CERS6: variants seen among roughly 807,000 people sequenced by gnomAD.
The protein encoded by CERS6 is LAG1 homolog, ceramide synthase 6.
Under a neutral mutation model 56.8 loss-of-function variants are expected in CERS6, and 26 were observed. That is an observed-to-expected ratio of 0.46 (90% CI 0.34 to 0.63). The LOEUF is 0.63. CERS6 is among the 30% of genes least tolerant of loss of function. The probability of loss-of-function intolerance (pLI) is 0.01; values close to 1 mark genes in which losing one functional copy is unlikely to be tolerated. For missense variants in CERS6, 415 were observed against 467.5 expected, an observed-to-expected ratio of 0.89 and a Z score of 1.04; for synonymous variants, 164 against 173.3, an observed-to-expected ratio of 0.95 and a Z score of 0.42.
chr2:168,567,913 A>T (rs997361097), intron 3 of CERS6, among the ~76,000 whole-genome samples: 4 of 152,226 alleles, frequency 2.6e-5, no homozygotes, highest in African/African-American at 7.2e-5. Flanking sequence ...GAAATTCTGA[A>T]GATTGATGAA....
intron 4 of CERS6, among the ~76,000 whole-genome samples, chr2:168,676,914 T>C (rs966062055): frequency 6.6e-6 from 1 of 152,036 alleles, no homozygotes; most frequent in African/African-American, 2.4e-5. Context: ...AAGAAGACAG[T>C]GTCCATGAGT....
chr2:168,739,454 A>T (rs1018085026), intron 8 of CERS6, among the ~76,000 whole-genome samples: 1 of 152,116 alleles, frequency 6.6e-6, no homozygotes, highest in Admixed American at 6.5e-5. Context: ...AAAAATTTCC[A>T]TGAAAATTCC....
At chr2:168,690,373 C>G (rs1407909878) in intron 4 of CERS6, among the ~76,000 whole-genome samples, 1 of 152,126 alleles carries the variant, frequency 6.6e-6, no homozygotes, top group African/African-American at 2.4e-5. Flanking sequence ...TCATACCAAC[C>G]CCTCCCTGAT....
At chr2:168,652,121 G>T (rs1166322535) in intron 4 of CERS6, among the ~76,000 whole-genome samples, 1 of 147,862 alleles carries the variant, frequency 6.8e-6, no homozygotes. Context: ...ATTGTAAATT[G>T]CAGTCACATT....
intron 4 of CERS6, among the ~76,000 whole-genome samples, chr2:168,668,859 G>A (rs1487241147): frequency 6.6e-6 from 1 of 152,132 alleles, no homozygotes; most frequent in Non-Finnish European, 1.5e-5. Context: ...AGCATATGGG[G>A]CTGAAATGTT....
intron 4 of CERS6, among the ~76,000 whole-genome samples, chr2:168,686,808 A>G (rs748988908): frequency 3.9e-5 from 6 of 152,210 alleles, no homozygotes; most frequent in African/African-American, 2.4e-5. Flanking sequence ...GAGACTGTCT[A>G]CAAAATAATT....
At position 168,488,710 on chromosome 2, in the gene CERS6, T is replaced by TA. The variant is rs1366061573; in HGVS notation, c.170+32099dup. Reference sequence around the variant, plus strand: ...TCCATATTAGCTATTTTGCTATCTTTAAAAAAATTTTTTTTTGGTGAATGC... The same window carrying TA: ...TCCATATTAGCTATTTTGCTATCTTTAAAAAAAATTTTTTTTTGGTGAATGC... On this transcript the variant is annotated intron_variant, in intron 1 of 9. Coordinates refer to ENST00000305747, the MANE Select transcript of CERS6 (RefSeq NM_203463.3). Among the ~76,000 whole-genome samples, 3 of 152,092 alleles carry TA rather than the reference T, an allele frequency of 2.0e-5. No homozygotes were observed. The South Asian group carries it at 6.2e-4, about 31-fold the overall frequency.
At chr2:168,694,026 A>G (rs921038964) in intron 5 of CERS6, among the ~76,000 whole-genome samples, 2 of 152,098 alleles carry the variant, frequency 1.3e-5, no homozygotes, top group East Asian at 3.8e-4. Context: ...TTACATTTCA[A>G]TTATATTTAC....
intron 3 of CERS6, among the ~76,000 whole-genome samples, chr2:168,573,506 A>T (rs1218701341): frequency 1.3e-5 from 2 of 152,220 alleles, no homozygotes; most frequent in East Asian, 1.9e-4. Context: ...TCAAAGGAAC[A>T]GTGTTTATCT....
chr2:168,616,038 A>C (rs1415538137), intron 3 of CERS6, among the ~76,000 whole-genome samples: 1 of 152,234 alleles, frequency 6.6e-6, no homozygotes, highest in Non-Finnish European at 1.5e-5. Flanking sequence ...GAAATCCTAC[A>C]AGCTAGAAGG....
At chr2:168,615,033 C>A (rs1308032495) in intron 3 of CERS6, among the ~76,000 whole-genome samples, 2 of 152,182 alleles carry the variant, frequency 1.3e-5, no homozygotes, top group South Asian at 4.1e-4. Context: ...AGATGGTTCA[C>A]ATCACAGGAC....
intron 6 of CERS6, among the ~76,000 whole-genome samples, chr2:168,713,758 C>G (rs958041570): frequency 1.3e-5 from 2 of 152,112 alleles, no homozygotes; most frequent in African/African-American, 4.8e-5. Flanking sequence ...ATGTACCCCC[C>G]TGAATCTAAC....
intron 1 of CERS6, among the ~76,000 whole-genome samples, chr2:168,502,487 G>A (rs928711602): frequency 1.3e-5 from 2 of 152,126 alleles, no homozygotes; most frequent in East Asian, 1.9e-4. Context: ...TGCTTCATCT[G>A]CAGCATGGTT....
At chr2:168,744,125 C>T (rs1172639223) in intron 8 of CERS6, among the ~76,000 whole-genome samples, 2 of 150,420 alleles carry the variant, frequency 1.3e-5, no homozygotes, top group Non-Finnish European at 3.0e-5. Context: ...CCTGCCTCAG[C>T]CTCCTGAGTA....
At chr2:168,739,690 C>G (rs1009846166) in intron 8 of CERS6, among the ~76,000 whole-genome samples, 16 of 151,628 alleles carry the variant, frequency 1.1e-4, no homozygotes, top group African/African-American at 3.9e-4. Context: ...TAGTGGAATC[C>G]TCAATTATGA....
At chr2:168,526,900 T>C (rs1386929929) in intron 1 of CERS6, among the ~76,000 whole-genome samples, 1 of 152,240 alleles carries the variant, frequency 6.6e-6, no homozygotes, top group Non-Finnish European at 1.5e-5. Flanking sequence ...CAAGTGAAGA[T>C]AGATGCCCAG....
chr2:168,646,910 G>A (rs1574126704), intron 4 of CERS6, among the ~76,000 whole-genome samples: 2 of 152,084 alleles, frequency 1.3e-5, no homozygotes, highest in East Asian at 1.9e-4. Flanking sequence ...TTGTACCAGT[G>A]CCAGGATATT....
intron 1 of CERS6, among the ~76,000 whole-genome samples, chr2:168,547,350 C>G (rs1306452758): frequency 1.3e-5 from 2 of 152,002 alleles, no homozygotes; most frequent in East Asian, 3.9e-4. Context: ...CTCATTAGAA[C>G]TTGAGGATTG....
rs187144941 is a variant in CERS6, at chr2:168,752,243, C to T, written c.846-13349C>T. ...CATTTGAGCCCAGGAGTCTGAGGCC[C>T]ACCTTGGCAACAGACCCCATCTTTT... On this transcript the variant is annotated intron_variant, in intron 8 of 9. Coordinates refer to ENST00000305747, the MANE Select transcript of CERS6 (RefSeq NM_203463.3). Among the ~76,000 whole-genome samples, 4 of 151,278 alleles carry T rather than the reference C, an allele frequency of 2.6e-5. No homozygotes were observed. In the East Asian group the frequency reaches 7.8e-4, roughly 30 times the overall value.
Sources: allele counts gnomAD v4.1 joint callset (sites outside exome capture counted in the v4.1 genomes callset), GRCh38; gene constraint gnomAD v4.1.1; transcripts MANE v1.5; gene names NCBI Gene and HGNC (gene_info 2026-07-23, HGNC 2026-07-21).